The following SAMD9L variants were observed in gnomAD, a reference collection of about 807,000 sequenced individuals.
SAMD9L encodes sterile alpha motif domain containing 9 like, also known as sterile alpha motif domain-containing protein 9-like.
SAMD9L carries 68 observed loss-of-function variants against 90.7 expected under a neutral mutation model. The ratio of observed to expected loss-of-function variants is 0.75; its 90% CI spans 0.62 to 0.92. SAMD9L has a LOEUF of 0.92. SAMD9L is among the 40% of genes least tolerant of loss of function. SAMD9L has a pLI of 0.00. For synonymous variants in SAMD9L, 640 were observed against 630.1 expected, an observed-to-expected ratio of 1.02 and a Z score of -0.23; for missense variants, 1,604 against 1,824.3, an observed-to-expected ratio of 0.88 and a Z score of 2.20.
In SAMD9L at chr7:93,132,656, C is replaced by T. The variant is rs1024065863; in HGVS notation, c.3316G>A (p.Ala1106Thr). 3.7e-5 allele frequency: 59 copies of T among 1,613,814 alleles called. No individual in the cohort carries two copies. Among genetic ancestry groups the T allele is most frequent in the Non-Finnish European group, 5.0e-5 (59 of 1,179,802 alleles). The change falls in exon 5 of 5, where the codon GCA becomes ACA. Residue 1106 changes from alanine to threonine, a missense_variant. By Grantham distance (58) the Ala-to-Thr change is moderately conservative. Transcript: ENST00000318238. The part of the protein sequence containing the change: ...EKDFNTALDW[A>T]RQAKMKAPKN... ...GGTGCTTTCATTTTGGCCTGACGTG[C>T]CCAGTCCAGAGCTGTGTTAAAGTCC...
At chr7:93,147,518 G>A (rs948372623) in intron 1 of SAMD9L, among the ~76,000 whole-genome samples, 1 of 152,096 alleles carries the variant, frequency 6.6e-6, no homozygotes. Context: ...TGATATCCAT[G>A]CCCTAGGGAG....
In SAMD9L at chr7:93,132,680, C is replaced by T; in HGVS notation, c.3292G>A (p.Asp1098Asn). Reference sequence around the variant, plus strand: ...GCCCAGTCCAGAGCTGTGTTAAAGTCCTTCTCTTTAATGTAGAAATGTCTT... The same window carrying T: ...GCCCAGTCCAGAGCTGTGTTAAAGTTCTTCTCTTTAATGTAGAAATGTCTT... The part of the protein sequence containing the change: ...LARHFYIKEK[D>N]FNTALDWARQ... The change falls in exon 5 of 5, where the codon GAC (aspartate) becomes AAC (asparagine). Residue 1098 changes from aspartate to asparagine, a missense_variant. Transcript: ENST00000318238. 1 of 1,613,826 alleles carries T rather than the reference C, an allele frequency of 6.2e-7. No homozygotes were observed. The highest frequency in any genetic ancestry group is 8.5e-7 in the Non-Finnish European group (1 of 1,179,816).
At chr7:93,138,642 C>T (rs1792554987) in intron 4 of SAMD9L, among the ~76,000 whole-genome samples, 1 of 152,136 alleles carries the variant, frequency 6.6e-6, no homozygotes, top group Non-Finnish European at 1.5e-5. Context: ...AAGAAATAGT[C>T]TACTTGGTGG....
intron 4 of SAMD9L, among the ~76,000 whole-genome samples, chr7:93,139,309 T>C (rs1252696686): frequency 6.6e-6 from 1 of 152,202 alleles, no homozygotes; most frequent in Non-Finnish European, 1.5e-5. Context: ...GATTGAATTA[T>C]ATCGCGCCAA....
Position 93,131,119 on chromosome 7 carries a change from T to C in SAMD9L, c.*98A>G. 1 of 751,656 alleles carries C rather than the reference T, an allele frequency of 1.3e-6. No homozygotes were observed. The highest frequency in any genetic ancestry group is 2.0e-6 in the Non-Finnish European group (1 of 507,172). 46.6% of individuals were successfully genotyped at this position (751,656 alleles called of 1,614,324 possible). ...CAAAAGCAAAATCTGTAATTAGAGGTTAGCCATAATGTTATGAAAGTGCCA... is the reference window on the plus strand; with the variant it reads ...CAAAAGCAAAATCTGTAATTAGAGGCTAGCCATAATGTTATGAAAGTGCCA... On this transcript the variant is annotated 3_prime_UTR_variant, in exon 5 of 5. Coordinates refer to ENST00000318238, the MANE Select transcript of SAMD9L (RefSeq NM_152703.5).
chr7:93,134,809 G>A lies in SAMD9L; in HGVS notation c.1163C>T (p.Ala388Val). The A allele has an allele frequency of 6.2e-7, 1 of 1,613,476 alleles. No homozygotes were observed. The highest frequency in any genetic ancestry group is 8.5e-7 in the Non-Finnish European group (1 of 1,179,836). Residue 388 changes from alanine (A) to valine (V), a missense_variant, in exon 5 of 5, where the codon GCA becomes GTA. By Grantham distance (64) the Ala-to-Val change is moderately conservative. Coordinates refer to ENST00000318238, the MANE Select transcript of SAMD9L (RefSeq NM_152703.5). ...KEAEEEYGMK[A>V]MKKESEGLKL... The stretch of plus-strand genomic sequence containing the variant: ...TAGTCCTTCACTCTCCTTCTTCATT[G>A]CCTTCATTCCATACTCTTCTTCAGC...
intron 1 of SAMD9L, among the ~76,000 whole-genome samples, chr7:93,147,794 A>G (rs1035125958): frequency 2.0e-5 from 3 of 152,220 alleles, no homozygotes; most frequent in African/African-American, 7.2e-5. Context: ...ATAAAATGTA[A>G]AAGTTTTAAT....
rs897936104 is a variant in SAMD9L at position 93,145,769 on chromosome 7, T to G, written c.-507A>C. The G allele has an allele frequency of 1.3e-5, 2 of 152,248 alleles. No individual in the cohort carries two copies. The highest frequency in any genetic ancestry group is 4.8e-5 in the African/African-American group (2 of 41,472). The allele number at this position is 152,248 out of a possible 1,614,324, so 9.4% of individuals were successfully genotyped here. On this transcript the variant is annotated 5_prime_UTR_variant, in exon 3 of 5. Coordinates refer to ENST00000318238, the MANE Select transcript of SAMD9L (RefSeq NM_152703.5). ...ACCCTTCTCCTAGGTAGCATCTCTT[T>G]GTGTACTTACTTCTAAGAAAATAAA... is the stretch of plus-strand genomic sequence containing the variant.
chr7:93,133,737 A>C lies in SAMD9L; in HGVS notation c.2235T>G (p.Cys745Trp). Residue 745 changes from cysteine (C) to tryptophan (W), a missense_variant, in exon 5 of 5, where the codon TGT becomes TGG. Cys to Trp is a radical substitution (Grantham distance 215). Transcript: ENST00000318238. ...KIINLYHHPGCGGTTLAMHVL... is the reference protein window; with the variant it reads ...KIINLYHHPGWGGTTLAMHVL... ...CATGCATAGCCAGTGTGGTACCTCC[A>C]CAGCCTGGATGATGATAAAGATTGA... The C allele has an allele frequency of 6.2e-7, 1 of 1,613,794 alleles. No individual in the cohort carries two copies.
chr7:93,131,358 A>G lies in SAMD9L; in HGVS notation c.4614T>C (p.Tyr1538=), dbSNP rs200511308. ...QAEGKLISVE[Y]GTEEKIKIPV... ...GTATTTTTATTTTTTCCTCTGTTCCATATTCTACAGAGATTAGCTTGCCTT... is the reference window on the plus strand; with the variant it reads ...GTATTTTTATTTTTTCCTCTGTTCCGTATTCTACAGAGATTAGCTTGCCTT... The change falls in exon 5 of 5, where the codon TAT becomes TAC. Residue 1538 remains tyrosine (Y), a synonymous_variant. Coordinates refer to ENST00000318238, the MANE Select transcript of SAMD9L (RefSeq NM_152703.5). The G allele has an allele frequency of 3.2e-5, 52 of 1,613,574 alleles. No individual in the cohort carries two copies. Among genetic ancestry groups the G allele is most frequent in the East Asian group, 6.7e-5 (3 of 44,882 alleles).
chr7:93,133,792 T>A lies in SAMD9L; in HGVS notation c.2180A>T (p.Glu727Val), dbSNP rs758127319. 1 of 1,613,906 alleles carries A rather than the reference T, an allele frequency of 6.2e-7. No individual in the cohort carries two copies. The highest frequency in any genetic ancestry group is 8.5e-7 in the Non-Finnish European group (1 of 1,179,896). Residue 727 changes from glutamate to valine, a missense_variant, in exon 5 of 5, where the codon GAG (glutamate) becomes GTG (valine). By Grantham distance (121) the Glu-to-Val change is moderately radical. Coordinates refer to ENST00000318238, the MANE Select transcript of SAMD9L (RefSeq NM_152703.5). Reference sequence around the variant, plus strand: ...TTTTGCAAATATTGGTTTAGGAGACTCTGCCCAGCAGTGTATTAAATCTTT... The same window carrying A: ...TTTTGCAAATATTGGTTTAGGAGACACTGCCCAGCAGTGTATTAAATCTTT... ...KLKDLIHCWAESPKPIFAKII... is the reference protein window; with the variant it reads ...KLKDLIHCWAVSPKPIFAKII...
chr7:93,134,777 C>A lies in SAMD9L; in HGVS notation c.1195G>T (p.Val399Phe). Residue 399 changes from valine to phenylalanine, a missense_variant, in exon 5 of 5, where the codon GTT (valine) becomes TTT (phenylalanine). This residue lies in a region of SAMD9L where 606 missense variants were observed against 717.6 expected (regional missense o/e 0.84). Coordinates refer to ENST00000318238, the MANE Select transcript of SAMD9L (RefSeq NM_152703.5). The stretch of plus-strand genomic sequence containing the variant: ...TCTCGGTTTCCTATGAGAAGTTTAA[C>A]CAGCTTTAGTCCTTCACTCTCCTTC... ...MKKESEGLKL[V>F]KLLIGNRDSL... 1 of 1,613,340 alleles carries A rather than the reference C, an allele frequency of 6.2e-7. No individual in the cohort carries two copies. Among genetic ancestry groups the A allele is most frequent in the South Asian group, 1.1e-5 (1 of 91,080 alleles).
chr7:93,141,701 CT>C (rs1462575507), intron 4 of SAMD9L, among the ~76,000 whole-genome samples: 1 of 152,240 alleles, frequency 6.6e-6, no homozygotes, highest in South Asian at 2.1e-4. Context: ...CATCTCTTTC[CT>C]GGATTATTTT....
At chr7:93,136,669 T>C (rs1792465644) in intron 4 of SAMD9L, among the ~76,000 whole-genome samples, 1 of 152,248 alleles carries the variant, frequency 6.6e-6, no homozygotes, top group South Asian at 2.1e-4. Context: ...AGAGCCATTT[T>C]CACCTAAATT....
chr7:93,145,181 A>T (rs1165757075), intron 3 of SAMD9L, among the ~76,000 whole-genome samples: 30 of 152,254 alleles, frequency 2.0e-4, no homozygotes, highest in Non-Finnish European at 1.5e-5. Context: ...AAAATTCTGC[A>T]ATCAGCACAA....
chr7:93,132,365 C>T lies in SAMD9L; in HGVS notation c.3607G>A (p.Val1203Ile). Residue 1203 changes from valine (V) to isoleucine (I), a missense_variant, in exon 5 of 5, where the codon GTT becomes ATT. Coordinates refer to ENST00000318238, the MANE Select transcript of SAMD9L (RefSeq NM_152703.5). Reference sequence around the variant, plus strand: ...AGAATCTGGATAGTGTAAAGACCAACTTCTATTTCACCCAAGAAACAAGCT... The same window carrying T: ...AGAATCTGGATAGTGTAAAGACCAATTTCTATTTCACCCAAGAAACAAGCT... Reference protein sequence around the residue: ...NTACFLGEIEVGLYTIQILQL... With the variant: ...NTACFLGEIEIGLYTIQILQL... The T allele has an allele frequency of 6.2e-7, 1 of 1,613,878 alleles. No homozygotes were observed. The highest frequency in any genetic ancestry group is 8.5e-7 in the Non-Finnish European group (1 of 1,179,858).
Position 93,131,144 on chromosome 7 carries a change from A to G in SAMD9L, c.*73T>C. On this transcript the variant is annotated 3_prime_UTR_variant, in exon 5 of 5. Coordinates refer to ENST00000318238, the MANE Select transcript of SAMD9L (RefSeq NM_152703.5). ...TTAGCCATAATGTTATGAAAGTGCC[A>G]TGAGAATAGAGAGAGAGAATAAAAT... 1 of 991,654 alleles carries G rather than the reference A, an allele frequency of 1.0e-6. No homozygotes were observed. Among genetic ancestry groups the G allele is most frequent in the Non-Finnish European group, 1.4e-6 (1 of 698,550 alleles). The allele number at this position is 991,654 out of a possible 1,614,324, so 61.4% of individuals were successfully genotyped here.
chr7:93,135,795 C>T lies in SAMD9L; in HGVS notation c.177G>A (p.Gly59=), dbSNP rs748093974. ...TCAAAAGTGCTGGACCCCATGGTAGCCCCATTTCTACAAGGTCCTTCTCAG... is the reference window on the plus strand; with the variant it reads ...TCAAAAGTGCTGGACCCCATGGTAGTCCCATTTCTACAAGGTCCTTCTCAG... ...ELTEKDLVEM[G]LPWGPALLIK... Residue 59 remains glycine (G), a synonymous_variant, in exon 5 of 5, where the codon GGG becomes GGA. Transcript: ENST00000318238. 3 of 1,613,968 alleles carry T rather than the reference C, an allele frequency of 1.9e-6. No individual in the cohort carries two copies. Among genetic ancestry groups the T allele is most frequent in the South Asian group, 2.2e-5 (2 of 91,062 alleles).
In SAMD9L at chr7:93,132,448, T is replaced by C. The variant is rs577459487; in HGVS notation, c.3524A>G (p.Tyr1175Cys). Reference protein sequence around the residue: ...ESQRQTDSKNYETENWSPQKS... With the variant: ...ESQRQTDSKNCETENWSPQKS... ...CTGTGGTGACCAGTTCTCGGTTTCA[T>C]AGTTTTTACTATCAGTTTGCCTTTG... Residue 1175 changes from tyrosine to cysteine, a missense_variant, in exon 5 of 5, where the codon TAT becomes TGT. Tyr to Cys is a radical substitution (Grantham distance 194). Coordinates refer to ENST00000318238, the MANE Select transcript of SAMD9L (RefSeq NM_152703.5). 222 of 1,613,600 alleles carry C rather than the reference T, an allele frequency of 1.4e-4. 3 individuals carry two copies. The South Asian group carries it at 2.1e-3, about 15-fold the overall frequency.
Sources: allele counts gnomAD v4.1 joint callset (sites outside exome capture counted in the v4.1 genomes callset), GRCh38; gene constraint gnomAD v4.1.1; regional missense constraint gnomAD v4.1.1; transcripts MANE v1.5; gene names NCBI Gene and HGNC (gene_info 2026-07-23, HGNC 2026-07-21).